The following CREBBP variants were observed in gnomAD, a reference collection of about 807,000 sequenced individuals.
The protein encoded by CREBBP is CREB-binding protein.
Under a neutral mutation model 265.0 loss-of-function variants are expected in CREBBP, and 19 were observed. The observed-to-expected ratio is 0.07, with a 90% CI of 0.05 to 0.11. CREBBP has a LOEUF of 0.11. Ranked by LOEUF, CREBBP falls within the 10% of genes least tolerant of loss-of-function variation. The probability of loss-of-function intolerance (pLI) is 1.00; values close to 1 mark genes in which losing one functional copy is unlikely to be tolerated. For synonymous variants in CREBBP, 1,457 were observed against 1,223.7 expected (o/e 1.19, Z -3.98); for missense variants, 2,525 against 3,219.0 (o/e 0.78, Z 5.22).
chr16:3,855,919 CA>C (rs2054952599), intron 1 of CREBBP, among the ~76,000 whole-genome samples: 1 of 152,236 alleles, frequency 6.6e-6, no homozygotes, highest in Non-Finnish European at 1.5e-5. Context: ...CCTGCACACA[CA>C]AATTTACTCG....
chr16:3,796,254 C>CT (rs1438987838), intron 3 of CREBBP, among the ~76,000 whole-genome samples: 1 of 152,074 alleles, frequency 6.6e-6, no homozygotes, highest in Non-Finnish European at 1.5e-5. Context: ...TAAAAATATT[C>CT]TTTTTTTAAA....
chr16:3,874,980 T>C (rs919713402), intron 1 of CREBBP, among the ~76,000 whole-genome samples: 9 of 152,230 alleles, frequency 5.9e-5, no homozygotes, highest in Non-Finnish European at 1.0e-4. Context: ...CAAAATCATT[T>C]TCCTAACTGT....
chr16:3,791,333 C>A (rs1478703713), intron 5 of CREBBP: 1 of 154,110 alleles, frequency 6.5e-6, no homozygotes, highest in African/African-American at 2.4e-5. Context: ...CCAGCCGTGC[C>A]GAGGGCTACA....
chr16:3,750,175 TA>T (rs1230009767), intron 20 of CREBBP, among the ~76,000 whole-genome samples: 2 of 152,222 alleles, frequency 1.3e-5, no homozygotes, highest in Admixed American at 6.5e-5. Flanking sequence ...TAAGTTTTTT[TA>T]ATTTTTTGTA....
At chr16:3,879,706 G>A in intron 1 of CREBBP, 126 bp downstream of exon 1, 1 of 1,018,368 alleles carries the variant, frequency 9.8e-7, no homozygotes. Flanking sequence ...CGAGGGGAAC[G>A]GGCTGCGGGG....
chr16:3,765,409 C>T (rs2052827733), intron 16 of CREBBP, among the ~76,000 whole-genome samples: 1 of 152,218 alleles, frequency 6.6e-6, no homozygotes, highest in Non-Finnish European at 1.5e-5. Flanking sequence ...GAATTTACAG[C>T]TGAAGTAGCT....
chr16:3,737,150 G>A (rs1384383110), intron 26 of CREBBP, among the ~76,000 whole-genome samples: 1 of 152,194 alleles, frequency 6.6e-6, no homozygotes, highest in Non-Finnish European at 1.5e-5. Flanking sequence ...GCACTGTAAA[G>A]GCAGTTCGGT....
chr16:3,770,911 G>C lies in CREBBP; in HGVS notation c.2539C>G (p.Pro847Ala), dbSNP rs139050013. 6.2e-7 allele frequency: 1 copy of C among 1,613,842 alleles called. No homozygotes were observed. ...GPQASQLPCP[P>A]VTQSPLHPTP... ...GGGTGCAGTGGTGACTGTGTCACTG[G>C]AGGGCAAGGTAGCTGGCTGGCCTGA... The change falls in exon 14 of 31, where the codon CCA (proline) becomes GCA (alanine). Residue 847 changes from proline to alanine, a missense_variant. Coordinates refer to ENST00000262367, the MANE Select transcript of CREBBP (RefSeq NM_004380.3).
intron 1 of CREBBP, among the ~76,000 whole-genome samples, chr16:3,854,320 T>C (rs991496946): frequency 3.3e-5 from 5 of 152,208 alleles, no homozygotes; most frequent in African/African-American, 4.8e-5. Context: ...GATCTCGTCA[T>C]GGGCAGGTGA....
intron 1 of CREBBP, among the ~76,000 whole-genome samples, chr16:3,862,603 C>T (rs752797516): frequency 2.0e-5 from 3 of 152,194 alleles, no homozygotes; most frequent in Non-Finnish European, 4.4e-5. Flanking sequence ...ACATTAACAA[C>T]GACCTTCCCC....
intron 2 of CREBBP, among the ~76,000 whole-genome samples, chr16:3,837,913 C>T (rs1193223882): frequency 1.3e-5 from 2 of 152,166 alleles, no homozygotes; most frequent in African/African-American, 2.4e-5. Context: ...CACATTCACT[C>T]ACCACTCATT....
intron 2 of CREBBP, among the ~76,000 whole-genome samples, chr16:3,830,326 T>TG (rs982680844): frequency 1.3e-4 from 20 of 151,388 alleles, no homozygotes; most frequent in African/African-American, 4.9e-4. Flanking sequence ...TCACCCGGGG[T>TG]GGGGGGCAGA....
At chr16:3,804,252 A>C (rs2053783690) in intron 3 of CREBBP, among the ~76,000 whole-genome samples, 1 of 152,184 alleles carries the variant, frequency 6.6e-6, no homozygotes, top group Non-Finnish European at 1.5e-5. Flanking sequence ...AAAAACTTAA[A>C]GTTTTTAGAA....
chr16:3,752,945 A>C (rs1420839631), intron 19 of CREBBP, among the ~76,000 whole-genome samples: 1 of 152,246 alleles, frequency 6.6e-6, no homozygotes, highest in African/African-American at 2.4e-5. Context: ...ATGCAGGCTG[A>C]TGCTGCATAA....
At chr16:3,782,628 A>G (rs572565258) in intron 6 of CREBBP, 56 bp downstream of exon 6, 8 of 1,606,044 alleles carry the variant, frequency 5.0e-6, no homozygotes, top group Non-Finnish European at 6.8e-6. Context: ...CCATCACTCC[A>G]TTCCCTTTGC....
intron 1 of CREBBP, among the ~76,000 whole-genome samples, chr16:3,866,781 C>G (rs2141567174): frequency 6.6e-6 from 1 of 152,218 alleles, no homozygotes; most frequent in Admixed American, 6.5e-5. Flanking sequence ...ATTAGCATAT[C>G]TTTCTACCCC....
intron 2 of CREBBP, among the ~76,000 whole-genome samples, chr16:3,814,519 G>C (rs2054001814): frequency 6.6e-6 from 1 of 152,032 alleles, no homozygotes. Flanking sequence ...AGCCTCCCCA[G>C]GTGTTGGGAT....
chr16:3,823,890 C>A (rs754434432), intron 2 of CREBBP, among the ~76,000 whole-genome samples: 1 of 152,114 alleles, frequency 6.6e-6, no homozygotes, highest in Non-Finnish European at 1.5e-5. Context: ...CGTTGCCACC[C>A]GCCCCTAGCT....
Position 3,736,017 on chromosome 16 carries a change from C to T in CREBBP, c.4728+19G>A, listed in dbSNP as rs763699675. On this transcript the variant is annotated intron_variant, in intron 28 of 30. Coordinates refer to ENST00000262367, the MANE Select transcript of CREBBP (RefSeq NM_004380.3). ...CCAGCGGGACACGTGGGCAATGGAG[C>T]TCAGAGAAGGGTCTGTACCTCAGTG... is the stretch of plus-strand genomic sequence containing the variant. 6.2e-7 allele frequency: 1 copy of T among 1,614,242 alleles called. No homozygotes were observed. Among genetic ancestry groups the T allele is most frequent in the South Asian group, 1.1e-5 (1 of 91,084 alleles).
Sources: gnomAD v4.1 joint callset for allele counts (sites outside exome capture counted in the v4.1 genomes callset) on GRCh38, gnomAD v4.1.1 for gene constraint, MANE v1.5 for transcripts, NCBI Gene and HGNC (gene_info 2026-07-23, HGNC 2026-07-21) for gene names.